The following TUBGCP2 variants were observed in gnomAD, a reference collection of about 807,000 sequenced individuals.
The protein encoded by TUBGCP2 is tubulin gamma complex component 2, also known as gamma-tubulin complex component 2.
A neutral mutation model predicts 92.2 loss-of-function variants in TUBGCP2; 55 were observed. The observed-to-expected ratio is 0.60, with a 90% CI of 0.48 to 0.75. The LOEUF (loss-of-function observed/expected upper bound fraction) is 0.75. Ranked by LOEUF, TUBGCP2 falls within the 30% of genes least tolerant of loss-of-function variation. TUBGCP2 has a pLI of 0.00. For synonymous variants in TUBGCP2, 533 were observed against 505.2 expected (o/e 1.06, Z -0.74); for missense variants, 1,093 against 1,188.9 (o/e 0.92, Z 1.19).
chr10:133,288,132 G>A lies in TUBGCP2; in HGVS notation c.1719C>T (p.Leu573=), dbSNP rs1175803756. The A allele has an allele frequency of 7.5e-6, 12 of 1,609,604 alleles. No homozygotes were observed. The highest frequency in any genetic ancestry group is 6.6e-5 in the South Asian group (6 of 91,006). The change falls in exon 11 of 18, where the codon CTC becomes CTT. Residue 573 remains leucine (L), a synonymous_variant. Coordinates refer to ENST00000252936, the MANE Select transcript of TUBGCP2 (RefSeq NM_006659.4). ...AGCCCCCGGCACCCCCACCCACCTT[G>A]AGGTCGTCCTTGAAGGGGTCAGTGT... is the stretch of plus-strand genomic sequence containing the variant. ...TANTDPFKDD[L]KIDLMPHDLI...
chr10:133,297,995 G>C lies in TUBGCP2; in HGVS notation c.573C>G (p.Phe191Leu). 6.2e-7 allele frequency: 1 copy of C among 1,613,932 alleles called. No homozygotes were observed. The highest frequency in any genetic ancestry group is 8.5e-7 in the Non-Finnish European group (1 of 1,179,918). Residue 191 changes from phenylalanine (F) to leucine (L), a missense_variant, in exon 5 of 18, where the codon TTC (phenylalanine) becomes TTG (leucine). Coordinates refer to ENST00000252936, the MANE Select transcript of TUBGCP2 (RefSeq NM_006659.4). ...VYERPALIGD[F>L]LIGAGISTDT... ...CTGTGCTGATGCCAGCACCAATCAG[G>C]AAATCCCCGATCAGGGCAGGTCTCT...
rs1352181169 is a variant in TUBGCP2, at chr10:133,305,483, T to A, written c.-39-2503A>T. On this transcript the variant is annotated intron_variant, in intron 1 of 17. Transcript: ENST00000252936. ...GTCTCTGCGTCTTGGTGGTAGTGGT[T>A]CCCCGGGCCCGCTGTCTTTTCTTTT... 2.1e-5 allele frequency among the ~76,000 whole-genome samples: 3 copies of A among 141,828 alleles called. No homozygotes were observed. The East Asian group carries it at 6.0e-4, about 28-fold the overall frequency. The allele number at this position is 141,828 out of a possible 152,430, so 93.0% of individuals were successfully genotyped here. A position where few individuals can be genotyped will look rare whatever the true frequency, so the allele number is the denominator to read the frequency against.
At chr10:133,302,246 T>C (rs1847680358) in intron 2 of TUBGCP2, 2 of 164,666 alleles carry the variant, frequency 1.2e-5, no homozygotes, top group Non-Finnish European at 2.7e-5. Flanking sequence ...CCGGTACCAT[T>C]GAGGCCACCC....
At chr10:133,306,092 G>T (rs905695226) in intron 1 of TUBGCP2, among the ~76,000 whole-genome samples, 1 of 152,220 alleles carries the variant, frequency 6.6e-6, no homozygotes, top group Non-Finnish European at 1.5e-5. Context: ...ACAAACATGC[G>T]GCACCATTGC....
chr10:133,288,790 C>T (rs369676980), intron 10 of TUBGCP2, 50 bp downstream of exon 10: 56 of 1,523,608 alleles, frequency 3.7e-5, no homozygotes, highest in Non-Finnish European at 4.8e-5. Flanking sequence ...CCACAGGTTC[C>T]GGTTTCAGAG....
chr10:133,285,090 G>C lies in TUBGCP2; in HGVS notation c.2019C>G (p.Ala673=). The C allele has an allele frequency of 6.2e-7, 1 of 1,605,854 alleles. No homozygotes were observed. Among genetic ancestry groups the C allele is most frequent in the Non-Finnish European group, 8.5e-7 (1 of 1,174,356 alleles). Residue 673 remains alanine, a synonymous_variant, in exon 13 of 18, where the codon GCC becomes GCG. Coordinates refer to ENST00000252936, the MANE Select transcript of TUBGCP2 (RefSeq NM_006659.4). The surrounding 1 kb of genome is among the most constrained non-coding windows in gnomAD (Gnocchi z 6.8). ...KTAKQHSLHS[A]QWFAGAFTLR... Reference sequence around the variant, plus strand: ...GGGGCAGAGGAAGAACGCACCACTGGGCGGAGTGCAGCGAGTGCTGCTTGG... The same window carrying C: ...GGGGCAGAGGAAGAACGCACCACTGCGCGGAGTGCAGCGAGTGCTGCTTGG...
At chr10:133,312,188 C>T (rs1215976680), upstream of TUBGCP2, 28 of 1,409,890 alleles carry the variant, frequency 2.0e-5, no homozygotes, top group Admixed American at 3.0e-5. Context: ...GCGTTTCTAG[C>T]GTCACCTGTG....
chr10:133,292,935 TGGGCAGCTGCTCCACG>T, intron 7 of TUBGCP2, 88 bp downstream of exon 7: 1 of 1,352,194 alleles, frequency 7.4e-7, no homozygotes, highest in Non-Finnish European at 1.0e-6. Flanking sequence ...GCCCCTGCCC[TGGGCAGCTGCTCCACG>T]GCCCCTGCAG....
At chr10:133,304,777 T>C (rs1023142796) in intron 1 of TUBGCP2, among the ~76,000 whole-genome samples, 1 of 152,244 alleles carries the variant, frequency 6.6e-6, no homozygotes, top group African/African-American at 2.4e-5. Flanking sequence ...ATCCTTGCTC[T>C]ACAATCATAA....
chr10:133,298,360 C>G (rs1261311830), intron 4 of TUBGCP2, among the ~76,000 whole-genome samples: 7 of 148,024 alleles, frequency 4.7e-5, no homozygotes, highest in Non-Finnish European at 7.5e-5. Flanking sequence ...CCTGCAAGGG[C>G]CCCCCTGGGA....
At chr10:133,300,155 T>C (rs747318173) in intron 2 of TUBGCP2, 42 bp from the exon 3 acceptor site, 12 of 1,582,716 alleles carry the variant, frequency 7.6e-6, no homozygotes, top group South Asian at 1.1e-5. Flanking sequence ...CGGTAATTAA[T>C]AAAGCACTGT....
chr10:133,302,654 T>C (rs1847699636), intron 2 of TUBGCP2, 138 bp downstream of exon 2: 1 of 1,038,782 alleles, frequency 9.6e-7, no homozygotes, highest in Non-Finnish European at 1.4e-6. Context: ...CACCCAGGAA[T>C]GGTGCTCACC....
chr10:133,291,252 A>ATGTCCCTCCG (rs1207369829), intron 8 of TUBGCP2, among the ~76,000 whole-genome samples: 2 of 65,228 alleles, frequency 3.1e-5, no homozygotes, highest in African/African-American at 5.6e-4. Flanking sequence ...CGTGTCCCCC[A>ATGTCCCTCCG]TGTCCCTCCG....
intron 5 of TUBGCP2, among the ~76,000 whole-genome samples, chr10:133,294,578 C>T (rs1847446586): frequency 6.6e-6 from 1 of 152,074 alleles, no homozygotes; most frequent in Non-Finnish European, 1.5e-5. Context: ...GCGAAAGCCT[C>T]AATCCTGATG....
At chr10:133,298,890 C>A (rs1443211303) in intron 4 of TUBGCP2, among the ~76,000 whole-genome samples, 1 of 152,164 alleles carries the variant, frequency 6.6e-6, no homozygotes, top group East Asian at 1.9e-4. Flanking sequence ...GGACACAGCT[C>A]CAAAGGGAGT....
rs190978865 is a variant in TUBGCP2, at chr10:133,305,033, C to T, written c.-39-2053G>A. Among the ~76,000 whole-genome samples the T allele has an allele frequency of 5.4e-4, 82 of 152,022 alleles. 2 individuals are homozygous for T. The highest frequency in any genetic ancestry group is 5.2e-3 in the Admixed American group (79 of 15,264). On this transcript the variant is annotated intron_variant, in intron 1 of 17. Coordinates refer to ENST00000252936, the MANE Select transcript of TUBGCP2 (RefSeq NM_006659.4). ...CCGGGAAAGGGAGTCTCCCTTTCCC[C>T]GGAGAGTTTAGAGAAGACTCTACGC...
At position 133,298,076 on chromosome 10, in the gene TUBGCP2, C is replaced by T. The variant is rs775105897; in HGVS notation, c.492G>A (p.Lys164=). The change falls in exon 5 of 18, where the codon AAG becomes AAA. Residue 164 remains lysine, a synonymous_variant. Transcript: ENST00000252936. The part of the protein sequence containing the change: ...LELKRKMLRD[K]QNKKNSGQHL... ...GCTGGCCTGAATTTTTTTTGTTCTG[C>T]TTGTCTCGAAGCATCTTTCTTTTAA... 6.2e-7 allele frequency: 1 copy of T among 1,614,114 alleles called. No homozygotes were observed. Among genetic ancestry groups the T allele is most frequent in the South Asian group, 1.1e-5 (1 of 91,082 alleles).
At chr10:133,302,622 G>A (rs1847698456) in intron 2 of TUBGCP2, 170 bp downstream of exon 2, 1 of 739,782 alleles carries the variant, frequency 1.4e-6, no homozygotes, top group East Asian at 2.8e-5. Flanking sequence ...CCTGACCCAG[G>A]GGTGGGCTCA....
At position 133,289,832 on chromosome 10, in the gene TUBGCP2, AG is replaced by A. The variant is rs754512390; in HGVS notation, c.1351del (p.Leu451SerfsTer7). On this transcript the variant is annotated frameshift_variant, in exon 9 of 18. Transcript: ENST00000252936. LOFTEE classifies it high-confidence loss of function. ...SFLQKMADKILSTGKYLNVVR... is the reference protein window; with the variant it reads ...SFLQKMADKIXSTGKYLNVVR... ...CGCCCGCTGCGCCGCACCTGTGCTG[AG>A]GATCTTGTCCGCCATTTTCTGCAGG... 1 of 463,824 alleles carries A rather than the reference AG, an allele frequency of 2.2e-6. No homozygotes were observed. Among genetic ancestry groups the A allele is most frequent in the Non-Finnish European group, 3.0e-6 (1 of 334,522 alleles). The allele number at this position is 463,824 out of a possible 1,614,324, so 28.7% of individuals were successfully genotyped here.
Sources: allele counts gnomAD v4.1 joint callset (sites outside exome capture counted in the v4.1 genomes callset), GRCh38; gene constraint gnomAD v4.1.1; non-coding constraint Gnocchi (gnomAD v3.1); transcripts MANE v1.5; gene names NCBI Gene and HGNC (gene_info 2026-07-23, HGNC 2026-07-21).